Variants in TREML4 observed in about 807,000 individuals in gnomAD.
TREML4 encodes the protein trem-like transcript 4 protein.
TREML4 carries 25 observed loss-of-function variants against 25.4 expected under a neutral mutation model. The ratio of observed to expected loss-of-function variants is 0.98; its 90% confidence interval spans 0.72 to 1.37. The LOEUF (loss-of-function observed/expected upper bound fraction) is 1.37, where lower values mean the gene tolerates loss of function less well. TREML4 is among the 40% of genes most tolerant of loss of function. TREML4 has a pLI of 0.00. For missense variants in TREML4, 268 were observed against 236.5 expected, an observed-to-expected ratio of 1.13 and a Z score of -0.87; for synonymous variants, 92 against 87.9, an observed-to-expected ratio of 1.05 and a Z score of -0.26.
chr6:41,238,098 C>G lies in TREML4; in HGVS notation c.*1079C>G, dbSNP rs1324338595. 6.6e-6 allele frequency: 1 copy of G among 152,144 alleles called. No homozygotes were observed. Among genetic ancestry groups the G allele is most frequent in the Non-Finnish European group, 1.5e-5 (1 of 68,030 alleles). The allele number at this position is 152,144 out of a possible 1,614,324, so 9.4% of individuals were successfully genotyped here. A position where few individuals can be genotyped will look rare whatever the true frequency, so the allele number is the denominator to read the frequency against. On this transcript the variant is annotated 3_prime_UTR_variant, in exon 6 of 6. Transcript: ENST00000341495. ...GTAAAAGACCACCATAAAGAGAGCT[C>G]CATGTTCTTTTGCTCTTTTGGGGAT...
At chr6:41,229,135 C>G in intron 2 of TREML4, 91 bp downstream of exon 2, 1 of 1,182,572 alleles carries the variant, frequency 8.5e-7, no homozygotes, top group Non-Finnish European at 1.2e-6. Flanking sequence ...TCTATCATCC[C>G]CCATCCTGCC....
intron 4 of TREML4, among the ~76,000 whole-genome samples, chr6:41,232,667 A>G (rs1766824928): frequency 6.6e-6 from 1 of 152,218 alleles, no homozygotes; most frequent in African/African-American, 2.4e-5. Context: ...GCAACTAGAC[A>G]GTCTTATCTG....
At position 41,229,522 on chromosome 6, in the gene TREML4, C is replaced by G. The variant is rs761574117; in HGVS notation, c.396C>G (p.Ala132=). The G allele has an allele frequency of 1.2e-6, 2 of 1,613,736 alleles. No individual in the cohort carries two copies. The highest frequency in any genetic ancestry group is 2.7e-5 in the African/African-American group (2 of 74,866). ...LRNISLVVSP[A]PTTSPMWTLP... is the part of the protein sequence containing the mutation. The stretch of plus-strand genomic sequence containing the variant: ...TTGTCTGCTGTCTTTTCTCTTTAGC[C>G]CCAACCACGTCTCCTATGTGGACTC... The change falls in exon 3 of 6, where the codon GCC becomes GCG. Residue 132 remains alanine (A), a splice_region_variant and synonymous_variant. Coordinates refer to ENST00000341495, the MANE Select transcript of TREML4 (RefSeq NM_198153.3).
intron 4 of TREML4, among the ~76,000 whole-genome samples, chr6:41,235,289 G>A (rs1269444879): frequency 6.6e-6 from 1 of 152,110 alleles, no homozygotes; most frequent in Non-Finnish European, 1.5e-5. Flanking sequence ...GATTTTCATA[G>A]CTACCATAAA....
intron 4 of TREML4, chr6:41,232,230 C>G: frequency 1.1e-5 from 2 of 177,224 alleles, no homozygotes; most frequent in South Asian, 2.3e-4. Context: ...ATGCAAACAT[C>G]CCCACTGAAA....
In TREML4 at chr6:41,237,823, T is replaced by C. The variant is rs1766932379; in HGVS notation, c.*804T>C. ...GAATCTGATAATCTGGGGCCCAAAT[T>C]CTGTTTACTTAACATGTGAGAAGAT... On this transcript the variant is annotated 3_prime_UTR_variant, in exon 6 of 6. Coordinates refer to ENST00000341495, the MANE Select transcript of TREML4 (RefSeq NM_198153.3). The C allele has an allele frequency of 6.6e-6, 1 of 152,186 alleles. No individual in the cohort carries two copies. The highest frequency in any genetic ancestry group is 2.4e-5 in the African/African-American group (1 of 41,436). The allele number at this position is 152,186 out of a possible 1,614,324, so 9.4% of individuals were successfully genotyped here. A position where few individuals can be genotyped will look rare whatever the true frequency, so the allele number is the denominator to read the frequency against.
Position 41,229,531 on chromosome 6 carries a change from G to A in TREML4, c.405G>A (p.Thr135=), listed in dbSNP as rs538826111. ...GTCTTTTCTCTTTAGCCCCAACCAC[G>A]TCTCCTATGTGGACTCTTCCCTGGC... ...ISLVVSPAPT[T]SPMWTLPWLP... is the part of the protein sequence containing the mutation. The change falls in exon 3 of 6, where the codon ACG becomes ACA. Residue 135 remains threonine, a synonymous_variant. Coordinates refer to ENST00000341495, the MANE Select transcript of TREML4 (RefSeq NM_198153.3). 3.5e-5 allele frequency: 56 copies of A among 1,613,730 alleles called. No homozygotes were observed. In the East Asian group the frequency reaches 4.2e-4, roughly 12 times the overall value.
At chr6:41,230,230 G>A in intron 4 of TREML4, 108 bp downstream of exon 4, 1 of 932,128 alleles carries the variant, frequency 1.1e-6, no homozygotes, top group Non-Finnish European at 1.7e-6. Flanking sequence ...CTTCTCTGGT[G>A]GGTTGGGGCA....
intron 4 of TREML4, among the ~76,000 whole-genome samples, chr6:41,231,541 C>T (rs1766799670): frequency 6.6e-6 from 1 of 152,106 alleles, no homozygotes; most frequent in Non-Finnish European, 1.5e-5. Context: ...CTCTAGGTAC[C>T]TATGATCAGT....
In TREML4 at chr6:41,228,366, C is replaced by CTT. The variant is rs10700462; in HGVS notation, c.-62_-61insTT. 1 of 1,246,326 alleles carries CTT rather than the reference C, an allele frequency of 8.0e-7. No homozygotes were observed. Among genetic ancestry groups the CTT allele is most frequent in the South Asian group, 1.4e-5 (1 of 70,856 alleles). The allele number at this position is 1,246,326 out of a possible 1,614,324, so 77.2% of individuals were successfully genotyped here. On this transcript the variant is annotated 5_prime_UTR_variant, in exon 1 of 6. Coordinates refer to ENST00000341495, the MANE Select transcript of TREML4 (RefSeq NM_198153.3). The stretch of plus-strand genomic sequence containing the variant: ...GCAGAATCAGACCCAGCGTCTGACT[C>CTT]CTCCTGAGAGGGCTCCCTTTTTTCT...
chr6:41,232,528 T>A (rs1451986865), intron 4 of TREML4: 1 of 172,238 alleles, frequency 5.8e-6, no homozygotes, highest in Non-Finnish European at 1.3e-5. Flanking sequence ...TCAGGATGAC[T>A]CAAGCGCATA....
At chr6:41,236,277 C>T (rs189209181) in intron 4 of TREML4, among the ~76,000 whole-genome samples, 10 of 152,242 alleles carry the variant, frequency 6.6e-5, no homozygotes, top group Admixed American at 2.0e-4. Context: ...CTTTTTCCTC[C>T]GTTCAAGACT....
intron 4 of TREML4, among the ~76,000 whole-genome samples, chr6:41,233,775 A>G (rs924707275): frequency 8.6e-5 from 13 of 151,584 alleles, no homozygotes; most frequent in Non-Finnish European, 2.9e-5. Flanking sequence ...ATATTTATCA[A>G]TGTTACATAT....
Position 41,234,177 on chromosome 6 carries a change from A to C in TREML4, c.507-2309A>C, listed in dbSNP as rs147579910. Among the ~76,000 whole-genome samples, 14 of 152,190 alleles carry C rather than the reference A, an allele frequency of 9.2e-5. No individual in the cohort carries two copies. In the East Asian group the frequency reaches 2.7e-3, roughly 29 times the overall value. ...CCTAACGCAATGACATTAGGAATGC[A>C]TAAGAGAAATAAAATAGCACTTTTC... is the stretch of plus-strand genomic sequence containing the variant. On this transcript the variant is annotated intron_variant, in intron 4 of 5. Transcript: ENST00000341495.
intron 4 of TREML4, among the ~76,000 whole-genome samples, chr6:41,236,185 C>T (rs973315108): frequency 3.3e-5 from 5 of 152,156 alleles, no homozygotes; most frequent in Admixed American, 6.6e-5. Flanking sequence ...TCCGACCTGA[C>T]CTGGTTAGGG....
rs1022885449 is a variant in TREML4 at position 41,238,701 on chromosome 6, G to A, written c.*1682G>A. ...CAAGAATCTAGACACTAGCGATTAT[G>A]TGTTTTCTCTGAGTCTATGTGAAGT... On this transcript the variant is annotated 3_prime_UTR_variant, in exon 6 of 6. Transcript: ENST00000341495. 21 of 152,104 alleles carry A rather than the reference G, an allele frequency of 1.4e-4. No homozygotes were observed. The highest frequency in any genetic ancestry group is 4.1e-4 in the African/African-American group (17 of 41,482). 9.4% of individuals were successfully genotyped at this position (152,104 alleles called of 1,614,324 possible).
chr6:41,236,285 A>G (rs1216816920), intron 4 of TREML4, among the ~76,000 whole-genome samples: 1 of 151,910 alleles, frequency 6.6e-6, no homozygotes, highest in Admixed American at 6.6e-5. Context: ...TCCGTTCAAG[A>G]CTTTGAGGTT....
Position 41,237,890 on chromosome 6 carries a change from T to G in TREML4, c.*871T>G, listed in dbSNP as rs1429286988. 1 of 152,146 alleles carries G rather than the reference T, an allele frequency of 6.6e-6. No homozygotes were observed. Among genetic ancestry groups the G allele is most frequent in the Non-Finnish European group, 1.5e-5 (1 of 68,030 alleles). 9.4% of individuals were successfully genotyped at this position (152,146 alleles called of 1,614,324 possible). A position where few individuals can be genotyped will look rare whatever the true frequency, so the allele number is the denominator to read the frequency against. On this transcript the variant is annotated 3_prime_UTR_variant, in exon 6 of 6. Transcript: ENST00000341495. ...AAAATCAAGTTGAACTAACAATAAA[T>G]GATGGTGGGTGAAAGATAAATGTTT...
chr6:41,228,979 G>A lies in TREML4; in HGVS notation c.329G>A (p.Gly110Glu), dbSNP rs1176033544. Residue 110 changes from glycine to glutamate, a missense_variant, in exon 2 of 6, where the codon GGA (glycine) becomes GAA (glutamate). Gly to Glu is a moderately conservative substitution (Grantham distance 98). Coordinates refer to ENST00000341495, the MANE Select transcript of TREML4 (RefSeq NM_198153.3). ...TQNDSGFYWC[G>E]IYNASENIIT... is the part of the protein sequence containing the mutation. ...AATGACTCGGGATTCTACTGGTGTG[G>A]AATCTACAACGCTTCCGAAAACATC... is the stretch of plus-strand genomic sequence containing the variant. 25 of 1,614,020 alleles carry A rather than the reference G, an allele frequency of 1.5e-5. No homozygotes were observed. Among genetic ancestry groups the A allele is most frequent in the Non-Finnish European group, 2.0e-5 (24 of 1,180,008 alleles).
Sources: allele counts gnomAD v4.1 joint callset (sites outside exome capture counted in the v4.1 genomes callset), GRCh38; gene constraint gnomAD v4.1.1; transcripts MANE v1.5; gene names NCBI Gene and HGNC (gene_info 2026-07-23, HGNC 2026-07-21).